SLC5A1: variants seen among roughly 807,000 people sequenced by gnomAD.
SLC5A1 encodes the protein sodium/glucose cotransporter 1.
Under a neutral mutation model 73.5 loss-of-function variants are expected in SLC5A1, and 42 were observed. The observed-to-expected ratio is 0.57, with a 90% CI of 0.45 to 0.74. The LOEUF (loss-of-function observed/expected upper bound fraction) is 0.74, where lower values mean the gene tolerates loss of function less well. Ranked by LOEUF, SLC5A1 falls within the 30% of genes least tolerant of loss-of-function variation. SLC5A1 has a pLI of 0.00. For synonymous variants in SLC5A1, 300 were observed against 317.4 expected (o/e 0.95, Z 0.58); for missense variants, 634 against 855.4 (o/e 0.74, Z 3.23).
chr22:32,097,331 T>C (rs1230043177), intron 11 of SLC5A1, among the ~76,000 whole-genome samples: 1 of 151,824 alleles, frequency 6.6e-6, no homozygotes, highest in Non-Finnish European at 1.5e-5. Context: ...TCCATAATGG[T>C]GGGTGGGATA....
chr22:32,061,022 T>C (rs562299980), intron 2 of SLC5A1, among the ~76,000 whole-genome samples: 2 of 152,290 alleles, frequency 1.3e-5, no homozygotes, highest in South Asian at 4.1e-4. Context: ...CCCGAAGAGC[T>C]TATTACTCTG....
chr22:32,066,122 C>A (rs1212842404), intron 2 of SLC5A1, among the ~76,000 whole-genome samples: 1 of 152,170 alleles, frequency 6.6e-6, no homozygotes, highest in Non-Finnish European at 1.5e-5. Context: ...TTACCTGATA[C>A]TTTCTTTTTT....
intron 11 of SLC5A1, among the ~76,000 whole-genome samples, chr22:32,098,623 A>C (rs1431185072): frequency 6.6e-6 from 1 of 152,230 alleles, no homozygotes; most frequent in Non-Finnish European, 1.5e-5. Context: ...TTGAAAGTCA[A>C]GTGTGTTTCA....
At chr22:32,095,909 C>A (rs1182673777) in intron 11 of SLC5A1, among the ~76,000 whole-genome samples, 1 of 152,172 alleles carries the variant, frequency 6.6e-6, no homozygotes, top group Non-Finnish European at 1.5e-5. Flanking sequence ...TGTTGAAATA[C>A]TTCTCCCGTG....
chr22:32,108,823 G>C (rs570269813), intron 14 of SLC5A1, among the ~76,000 whole-genome samples: 141 of 152,272 alleles, frequency 9.3e-4, no homozygotes, highest in Non-Finnish European at 1.6e-3. Flanking sequence ...ATTCTGACTC[G>C]TGTGAACTTG....
At chr22:32,064,491 G>A (rs1214644948) in intron 2 of SLC5A1, among the ~76,000 whole-genome samples, 1 of 148,260 alleles carries the variant, frequency 6.7e-6, no homozygotes, top group East Asian at 2.0e-4. Flanking sequence ...ATAAAACCCT[G>A]TCTTAGGAAA....
intron 13 of SLC5A1, among the ~76,000 whole-genome samples, chr22:32,103,170 A>T (rs1603144336): frequency 6.6e-6 from 1 of 152,144 alleles, no homozygotes; most frequent in Admixed American, 6.6e-5. Flanking sequence ...TGTGGCTGTG[A>T]TAATTTACAT....
intron 11 of SLC5A1, among the ~76,000 whole-genome samples, chr22:32,095,269 C>T (rs1355150298): frequency 1.3e-5 from 2 of 152,080 alleles, no homozygotes; most frequent in Non-Finnish European, 2.9e-5. Flanking sequence ...ATCATATAGT[C>T]TACCTTGGAG....
intron 1 of SLC5A1, among the ~76,000 whole-genome samples, chr22:32,044,515 G>GTT (rs530554198): frequency 8.7e-5 from 12 of 138,652 alleles, no homozygotes; most frequent in African/African-American, 1.8e-4. Context: ...AAAAGGAAGT[G>GTT]TTTTTTTTTT....
At chr22:32,044,424 T>A (rs946180562) in intron 1 of SLC5A1, among the ~76,000 whole-genome samples, 1 of 152,028 alleles carries the variant, frequency 6.6e-6, no homozygotes, top group Non-Finnish European at 1.5e-5. Flanking sequence ...TAGCAGCTGG[T>A]GATTGTGTTG....
rs942235244 is a variant in SLC5A1 at position 32,068,332 on chromosome 22, G to A, written c.373-164G>A. ...GATTAAAATGAGCAAATGGCTGGAG[G>A]TCAGGGGCCATCTGGCCACCTCGCA... On this transcript the variant is annotated intron_variant, in intron 4 of 14. Coordinates refer to ENST00000266088, the MANE Select transcript of SLC5A1 (RefSeq NM_000343.4). Among the ~76,000 whole-genome samples, 5 of 152,306 alleles carry A rather than the reference G, an allele frequency of 3.3e-5. No individual in the cohort carries two copies. In the East Asian group the frequency reaches 7.7e-4, roughly 24 times the overall value.
chr22:32,104,684 C>T (rs1206602551), intron 13 of SLC5A1, 102 bp from the exon 14 acceptor site: 6 of 805,336 alleles, frequency 7.5e-6, no homozygotes, highest in South Asian at 4.3e-5. Context: ...TGAGATGCCA[C>T]ATTCCCTTCC....
At position 32,106,676 on chromosome 22, in the gene SLC5A1, C is replaced by T. The variant is rs905071014; in HGVS notation, c.1771+1785C>T. 2.7e-4 allele frequency among the ~76,000 whole-genome samples: 41 copies of T among 152,190 alleles called. 1 individual carries two copies. The highest frequency in any genetic ancestry group is 1.7e-3 in the Admixed American group (26 of 15,286). On this transcript the variant is annotated intron_variant, in intron 14 of 14. Coordinates refer to ENST00000266088, the MANE Select transcript of SLC5A1 (RefSeq NM_000343.4). ...TTTCTCTCGAAGACCAATGAAATAA[C>T]GCTTAGTCAGTGCCCAGAGACTTAT...
intron 13 of SLC5A1, among the ~76,000 whole-genome samples, chr22:32,103,455 C>A (rs1463868076): frequency 6.6e-6 from 1 of 152,208 alleles, no homozygotes; most frequent in Non-Finnish European, 1.5e-5. Context: ...AGGCTGATAT[C>A]AAGCCCATGT....
intron 5 of SLC5A1, among the ~76,000 whole-genome samples, chr22:32,071,418 C>G (rs9609422): frequency 0.066 from 10,073 of 152,156 alleles, 363 homozygotes; most frequent in African/African-American, 0.091. Context: ...CCACTGCACT[C>G]CAGCCTGGGT....
intron 11 of SLC5A1, among the ~76,000 whole-genome samples, chr22:32,098,379 A>T (rs562563426): frequency 1.2e-4 from 19 of 152,294 alleles, no homozygotes; most frequent in Admixed American, 1.1e-3. Flanking sequence ...GTGTGTTTGT[A>T]TCACTACTAC....
chr22:32,065,037 G>A (rs1305149850), intron 2 of SLC5A1, among the ~76,000 whole-genome samples: 1 of 152,014 alleles, frequency 6.6e-6, no homozygotes, highest in Middle Eastern at 3.2e-3. Context: ...TGCAGGTCCT[G>A]GGCTCAATTG....
intron 5 of SLC5A1, among the ~76,000 whole-genome samples, chr22:32,076,085 G>T (rs995773071): frequency 2.0e-5 from 3 of 152,218 alleles, no homozygotes; most frequent in Admixed American, 6.5e-5. Context: ...TTCCTGTCCA[G>T]AGAGCGAACA....
intron 2 of SLC5A1, among the ~76,000 whole-genome samples, chr22:32,062,830 A>G (rs1321763565): frequency 6.6e-6 from 1 of 152,214 alleles, no homozygotes; most frequent in Non-Finnish European, 1.5e-5. Flanking sequence ...GCAGGGGAGT[A>G]CAGGTCATAA....
Sources: allele counts gnomAD v4.1 joint callset (sites outside exome capture counted in the v4.1 genomes callset), GRCh38; gene constraint gnomAD v4.1.1; transcripts MANE v1.5; gene names NCBI Gene and HGNC (gene_info 2026-07-23, HGNC 2026-07-21).